The following WSB1 variants were observed in gnomAD, a reference collection of about 807,000 sequenced individuals.
The protein encoded by WSB1 is WD repeat and SOCS box containing 1.
In WSB1, 23 loss-of-function variants were observed where a neutral mutation model predicts 50.2. That is an observed-to-expected ratio of 0.46 (90% CI 0.33 to 0.65). WSB1 has a LOEUF of 0.65. Ranked by LOEUF, WSB1 falls within the 30% of genes least tolerant of loss-of-function variation. The pLI, the probability that WSB1 is intolerant of heterozygous loss-of-function variation, is 0.02. For synonymous variants in WSB1, 179 were observed against 172.0 expected, an observed-to-expected ratio of 1.04 and a Z score of -0.32; for missense variants, 492 against 522.3, an observed-to-expected ratio of 0.94 and a Z score of 0.56.
Position 27,295,971 on chromosome 17 carries a change from G to A in WSB1, c.40+1536G>A, listed in dbSNP as rs549732120. Reference sequence around the variant, plus strand: ...TCCTCCCTCAGCCTCCTGAGTAGGTGGGATTACAGGCATGCACACGCCCGG... The same window carrying A: ...TCCTCCCTCAGCCTCCTGAGTAGGTAGGATTACAGGCATGCACACGCCCGG... On this transcript the variant is annotated intron_variant, in intron 1 of 8. Coordinates refer to ENST00000262394, the MANE Select transcript of WSB1 (RefSeq NM_015626.10). Among the ~76,000 whole-genome samples the A allele has an allele frequency of 4.9e-4, 74 of 152,092 alleles. 2 individuals are homozygous for A. The South Asian group carries it at 0.014, about 29-fold the overall frequency.
At chr17:27,294,913 G>A (rs1191170073) in intron 1 of WSB1, among the ~76,000 whole-genome samples, 1 of 152,248 alleles carries the variant, frequency 6.6e-6, no homozygotes, top group East Asian at 1.9e-4. Context: ...AAGCAATACA[G>A]TATTTTTAAA....
chr17:27,308,765 C>A, intron 5 of WSB1: 1 of 994,080 alleles, frequency 1.0e-6, no homozygotes, highest in East Asian at 1.1e-4. Flanking sequence ...AGTACTTAAC[C>A]CTATTTATTT....
rs1445599150 is a variant in WSB1 at position 27,294,339 on chromosome 17, T to C, written c.-57T>C. 1.3e-6 allele frequency: 2 copies of C among 1,599,478 alleles called. No individual in the cohort carries two copies. Among genetic ancestry groups the C allele is most frequent in the African/African-American group, 2.7e-5 (2 of 74,522 alleles). ...CGTCACGCCCCTCAGCGGTCGCCAC[T>C]CTCTTCTCTGTTGTTGGGTCCGCAT... On this transcript the variant is annotated 5_prime_UTR_variant, in exon 1 of 9. Coordinates refer to ENST00000262394, the MANE Select transcript of WSB1 (RefSeq NM_015626.10).
At position 27,304,762 on chromosome 17, in the gene WSB1, C is replaced by G. The variant is rs1295456351; in HGVS notation, c.479-18C>G. On this transcript the variant is annotated intron_variant, in intron 3 of 8. Transcript: ENST00000262394. ...TATATTAATACTGTCTTTTTTTTCC[C>G]TTTTCTATCATATTTAGGAAAACTC... 1 of 1,597,606 alleles carries G rather than the reference C, an allele frequency of 6.3e-7. No homozygotes were observed. The highest frequency in any genetic ancestry group is 1.1e-5 in the South Asian group (1 of 88,032).
At chr17:27,307,843 T>C in intron 5 of WSB1, 1 of 1,509,214 alleles carries the variant, frequency 6.6e-7, no homozygotes, top group Non-Finnish European at 8.8e-7. Flanking sequence ...CATCTCTGGC[T>C]ACCGGGCTGG....
At chr17:27,309,588 G>T (rs1341967543) in intron 6 of WSB1, among the ~76,000 whole-genome samples, 2 of 134,924 alleles carry the variant, frequency 1.5e-5, no homozygotes, top group East Asian at 2.1e-4. Flanking sequence ...AATCATAAAA[G>T]ATTTTTTTTT....
chr17:27,307,726 T>G, intron 5 of WSB1: 1 of 1,534,744 alleles, frequency 6.5e-7, no homozygotes, highest in Non-Finnish European at 8.7e-7. Flanking sequence ...CATATGCTTC[T>G]TGCTTTCCCT....
rs2017777232 is a variant in WSB1 at position 27,313,673 on chromosome 17, C to T, written c.*1304C>T. ...TTTCTTAAATAGGTTAGGTGGAGTA[C>T]TTTCTCTCTGTCTCCATTGTAAGGT... On this transcript the variant is annotated 3_prime_UTR_variant, in exon 9 of 9. Transcript: ENST00000262394. The T allele has an allele frequency of 6.6e-6, 1 of 151,226 alleles. No homozygotes were observed. Among genetic ancestry groups the T allele is most frequent in the Non-Finnish European group, 1.5e-5 (1 of 67,918 alleles). 9.4% of individuals were successfully genotyped at this position (151,226 alleles called of 1,614,324 possible). A position where few individuals can be genotyped will look rare whatever the true frequency, so the allele number is the denominator to read the frequency against.
Position 27,309,258 on chromosome 17 carries a change from T to C in WSB1, c.870T>C (p.Ile290=), listed in dbSNP as rs2017575791. 3 of 1,605,634 alleles carry C rather than the reference T, an allele frequency of 1.9e-6. No homozygotes were observed. The highest frequency in any genetic ancestry group is 1.7e-5 in the Admixed American group (1 of 58,792). Residue 290 remains isoleucine (I), a synonymous_variant, in exon 6 of 9, where the codon ATT becomes ATC. Coordinates refer to ENST00000262394, the MANE Select transcript of WSB1 (RefSeq NM_015626.10). ...TCTGGGATCCACATAATGGAGACAT[T>C]CTGATGGAATTTGGGTGGGTACAGC... ...VYIWDPHNGD[I]LMEFGHLFPP...
chr17:27,301,070 A>G, intron 1 of WSB1, among the ~76,000 whole-genome samples: 1 of 152,044 alleles, frequency 6.6e-6, no homozygotes, highest in East Asian at 1.9e-4. Flanking sequence ...CAGGGTTTCA[A>G]ACCATGTTGG....
intron 4 of WSB1, among the ~76,000 whole-genome samples, chr17:27,306,525 T>C (rs1308835179): frequency 6.6e-6 from 1 of 152,164 alleles, no homozygotes; most frequent in Admixed American, 6.5e-5. Flanking sequence ...CCAGACTTTT[T>C]CTTGAAGGGC....
intron 1 of WSB1, among the ~76,000 whole-genome samples, chr17:27,295,984 T>G (rs1029237568): frequency 7.9e-5 from 12 of 152,056 alleles, no homozygotes; most frequent in African/African-American, 2.2e-4. Context: ...ATTACAGGCA[T>G]GCACACGCCC....
At chr17:27,302,143 G>A in intron 2 of WSB1, 187 bp downstream of exon 2, 1 of 716,268 alleles carries the variant, frequency 1.4e-6, no homozygotes. Context: ...GGGCGCGGCG[G>A]CTCAGGCCTA....
chr17:27,296,764 C>T (rs1233598017), intron 1 of WSB1, among the ~76,000 whole-genome samples: 4 of 152,216 alleles, frequency 2.6e-5, no homozygotes, highest in African/African-American at 4.8e-5. Flanking sequence ...TTTCCCATGG[C>T]AGCCTTTCCC....
In WSB1 at chr17:27,312,343, T is replaced by C. The variant is rs1341691200; in HGVS notation, c.1240T>C (p.Leu414=). 1.2e-6 allele frequency: 2 copies of C among 1,614,046 alleles called. No homozygotes were observed. Among genetic ancestry groups the C allele is most frequent in the Non-Finnish European group, 1.7e-6 (2 of 1,180,022 alleles). Reference sequence around the variant, plus strand: ...GGAGCTGCCGATTCCTTCCAAGCTTTTGGAGTTTCTCTCGTATCGTATTTA... The same window carrying C: ...GGAGCTGCCGATTCCTTCCAAGCTTCTGGAGTTTCTCTCGTATCGTATTTA... ...VQELPIPSKL[L]EFLSYRI The change falls in exon 9 of 9, where the codon TTG becomes CTG. Residue 414 remains leucine, a synonymous_variant. Coordinates refer to ENST00000262394, the MANE Select transcript of WSB1 (RefSeq NM_015626.10).
chr17:27,312,146 G>A, intron 8 of WSB1, 64 bp from the exon 9 acceptor site: 1 of 1,542,990 alleles, frequency 6.5e-7, no homozygotes, highest in South Asian at 1.3e-5. Flanking sequence ...ATAGTTGTTT[G>A]AGCTGTAGCA....
chr17:27,309,869 C>T (rs1214511065), intron 6 of WSB1, among the ~76,000 whole-genome samples, 192 bp from the exon 7 acceptor site: 5 of 152,226 alleles, frequency 3.3e-5, no homozygotes, highest in African/African-American at 1.2e-4. Context: ...GCATGAGCCA[C>T]TGCGCCCGAC....
intron 5 of WSB1, chr17:27,308,266 A>C: frequency 2.0e-6 from 2 of 986,344 alleles, no homozygotes; most frequent in Non-Finnish European, 2.4e-6. Flanking sequence ...TCTTAGGATA[A>C]ACCTCCAAGC....
rs1038748730 is a variant in WSB1 at position 27,294,139 on chromosome 17, T to A, written c.-257T>A. On this transcript the variant is annotated 5_prime_UTR_variant, in exon 1 of 9. Coordinates refer to ENST00000262394, the MANE Select transcript of WSB1 (RefSeq NM_015626.10). ...AGTGTCTCGTTTGCAGTCGGCGCTT[T>A]AGGGGAACTGTCTTCCTCCGCAGGC... 1 of 329,094 alleles carries A rather than the reference T, an allele frequency of 3.0e-6. No homozygotes were observed. 20.4% of individuals were successfully genotyped at this position (329,094 alleles called of 1,614,324 possible).
Sources: allele counts gnomAD v4.1 joint callset (sites outside exome capture counted in the v4.1 genomes callset), GRCh38; gene constraint gnomAD v4.1.1; transcripts MANE v1.5; gene names NCBI Gene and HGNC (gene_info 2026-07-23, HGNC 2026-07-21).